Variants in ZNF567 observed in about 807,000 individuals in gnomAD.
ZNF567 encodes zinc finger protein 567.
ZNF567 carries 36 observed loss-of-function variants against 53.9 expected under a neutral mutation model. That is an observed-to-expected ratio of 0.67 (90% CI 0.51 to 0.88). The LOEUF (loss-of-function observed/expected upper bound fraction) is 0.88. Ranked by LOEUF, ZNF567 falls within the 40% of genes least tolerant of loss-of-function variation. The pLI is 0.00. For missense variants in ZNF567, 619 were observed against 764.7 expected, an observed-to-expected ratio of 0.81 and a Z score of 2.25; for synonymous variants, 224 against 260.4, an observed-to-expected ratio of 0.86 and a Z score of 1.35.
chr19:36,713,959 A>G (rs886667201), intron 5 of ZNF567, among the ~76,000 whole-genome samples: 5 of 152,122 alleles, frequency 3.3e-5, no homozygotes, highest in African/African-American at 1.2e-4. Context: ...TACACTATAT[A>G]TATCACTCTC....
At chr19:36,703,915 C>T (rs191765947) in intron 3 of ZNF567, among the ~76,000 whole-genome samples, 11 of 152,206 alleles carry the variant, frequency 7.2e-5, no homozygotes, top group Non-Finnish European at 7.3e-5. Context: ...TGCTTCGTCT[C>T]GCGCATGGTG....
upstream of ZNF567, chr19:36,687,142 T>A (rs779423258): frequency 6.6e-6 from 1 of 152,478 alleles, no homozygotes; most frequent in South Asian, 2.1e-4. Flanking sequence ...GGCTCTTCCA[T>A]CACACGGCCA....
chr19:36,670,724 G>A, the ZNF567 span, among the ~76,000 whole-genome samples: 1 of 152,186 alleles, frequency 6.6e-6, no homozygotes, highest in African/African-American at 2.4e-5. Context: ...CGCTTTCACT[G>A]TGCTGCCTCA....
At chr19:36,706,644 C>T (rs2039501569) in intron 3 of ZNF567, among the ~76,000 whole-genome samples, 1 of 149,468 alleles carries the variant, frequency 6.7e-6, no homozygotes, top group South Asian at 2.1e-4. Context: ...TATGATATAC[C>T]TGATTTCCAT....
chr19:36,710,661 TG>T (rs1361071054), intron 3 of ZNF567, among the ~76,000 whole-genome samples: 1 of 152,218 alleles, frequency 6.6e-6, no homozygotes, highest in Admixed American at 6.5e-5. Context: ...TGTGTTCATC[TG>T]CTTTTCTCTC....
intron 3 of ZNF567, among the ~76,000 whole-genome samples, chr19:36,705,290 G>A (rs1306291996): frequency 6.6e-6 from 1 of 152,008 alleles, no homozygotes; most frequent in African/African-American, 2.4e-5. Context: ...TGTACATTGA[G>A]TTAAGACATT....
At chr19:36,673,391 A>C in the ZNF567 span, among the ~76,000 whole-genome samples, 1 of 152,196 alleles carries the variant, frequency 6.6e-6, no homozygotes, top group Admixed American at 6.5e-5. Context: ...TTTCTGTGAA[A>C]GGTGTTTTTT....
intron 3 of ZNF567, among the ~76,000 whole-genome samples, chr19:36,698,456 G>A (rs60109491): frequency 0.16 from 23,782 of 149,942 alleles, 2,250 homozygotes; most frequent in Non-Finnish European, 0.22. Context: ...GGGATGGCTG[G>A]GTCAAATGGT....
chr19:36,723,505 G>A (rs931883631), downstream of ZNF567, among the ~76,000 whole-genome samples: 1 of 152,148 alleles, frequency 6.6e-6, no homozygotes, highest in African/African-American at 2.4e-5. Flanking sequence ...TAGAAAGTAT[G>A]AGATATTAAC....
chr19:36,670,813 T>C, the ZNF567 span, among the ~76,000 whole-genome samples: 1 of 152,120 alleles, frequency 6.6e-6, no homozygotes, highest in Non-Finnish European at 1.5e-5. Context: ...CACGAGATAC[T>C]GCACTGGGCC....
the ZNF567 span, among the ~76,000 whole-genome samples, chr19:36,677,864 G>A: frequency 2.0e-5 from 3 of 152,072 alleles, no homozygotes; most frequent in Admixed American, 1.3e-4. Flanking sequence ...AGTCTCTTGA[G>A]AGCCTTGGAA....
At chr19:36,721,413 A>G (rs2040295805), downstream of ZNF567, 1 of 152,204 alleles carries the variant, frequency 6.6e-6, no homozygotes, top group Admixed American at 6.5e-5. Flanking sequence ...CCAAGAGTAT[A>G]TATGAGGTTT....
At chr19:36,680,616 C>T in the ZNF567 span, among the ~76,000 whole-genome samples, 1 of 152,194 alleles carries the variant, frequency 6.6e-6, no homozygotes, top group Admixed American at 6.5e-5. Flanking sequence ...TTACCACAAA[C>T]TTGGTAGCTT....
intron 5 of ZNF567, among the ~76,000 whole-genome samples, chr19:36,715,493 TAATAATAATAATA>T: frequency 1.4e-5 from 1 of 73,728 alleles, no homozygotes; most frequent in Non-Finnish European, 2.4e-5. Context: ...ATAATAATAA[TAATAATAATAATA>T]ATAATTATTA....
At chr19:36,695,461 A>G (rs1187748157) in intron 3 of ZNF567, among the ~76,000 whole-genome samples, 1 of 152,098 alleles carries the variant, frequency 6.6e-6, no homozygotes, top group Admixed American at 6.6e-5. Flanking sequence ...TCCAGGAGGC[A>G]GAGGTTGCAG....
At chr19:36,712,675 T>C (rs2039850556) in intron 4 of ZNF567, 106 bp from the exon 5 acceptor site, 1 of 1,375,886 alleles carries the variant, frequency 7.3e-7, no homozygotes, top group African/African-American at 1.4e-5. Flanking sequence ...CTACCTATAT[T>C]GTTACACAAA....
upstream of ZNF567, among the ~76,000 whole-genome samples, chr19:36,683,303 C>A (rs143173306): frequency 3.3e-5 from 5 of 152,024 alleles, no homozygotes; most frequent in South Asian, 4.2e-4. Context: ...AACTCCTGGG[C>A]TCAAGTGTTC....
chr19:36,711,072 TTG>T (rs34088180), intron 3 of ZNF567, among the ~76,000 whole-genome samples: 29 of 150,344 alleles, frequency 1.9e-4, no homozygotes, highest in African/African-American at 5.8e-4. Context: ...CTCTCACTTT[TTG>T]TGTGTGTGTG....
At chr19:36,671,492 G>A in the ZNF567 span, among the ~76,000 whole-genome samples, 5 of 152,248 alleles carry the variant, frequency 3.3e-5, no homozygotes, top group South Asian at 2.1e-4. Flanking sequence ...AGTTTACAGC[G>A]GGGCCCAGAA....
Sources: gnomAD v4.1 joint callset for allele counts (sites outside exome capture counted in the v4.1 genomes callset) on GRCh38, gnomAD v4.1.1 for gene constraint, MANE v1.5 for transcripts, NCBI Gene and HGNC (gene_info 2026-07-23, HGNC 2026-07-21) for gene names.